Variants in GNS observed in about 807,000 individuals in gnomAD.
The protein encoded by GNS is N-acetylglucosamine-6-sulfatase.
A neutral mutation model predicts 69.7 loss-of-function variants in GNS; 40 were observed. The observed-to-expected ratio is 0.57, with a 90% CI of 0.45 to 0.75. The LOEUF is 0.75. Among genes scored for constraint, GNS ranks in the 30% least tolerant of loss-of-function variants. The pLI, the probability that GNS is intolerant of heterozygous loss-of-function variation, is 0.00. For missense variants in GNS, 565 were observed against 685.5 expected (o/e 0.82, Z 1.96); for synonymous variants, 243 against 251.6 (o/e 0.97, Z 0.32).
intron 9 of GNS, among the ~76,000 whole-genome samples, chr12:64,732,145 CCTGG>C (rs962946898): frequency 1.5e-5 from 2 of 134,368 alleles, no homozygotes; most frequent in Non-Finnish European, 3.2e-5. Flanking sequence ...TGCCACCACA[CCTGG>C]CTAATTTTTT....
chr12:64,729,915 A>G (rs1869328520), intron 9 of GNS, among the ~76,000 whole-genome samples: 1 of 152,226 alleles, frequency 6.6e-6, no homozygotes, highest in Admixed American at 6.5e-5. Flanking sequence ...TAAAAAATCA[A>G]TGAGATTTAA....
intron 7 of GNS, among the ~76,000 whole-genome samples, 157 bp from the exon 8 acceptor site, chr12:64,739,656 A>G (rs1869669850): frequency 6.6e-6 from 1 of 151,984 alleles, no homozygotes; most frequent in Non-Finnish European, 1.5e-5. Context: ...AAAAATTGCA[A>G]AACACTCTCC....
chr12:64,754,774 A>G (rs1870195589), intron 1 of GNS, among the ~76,000 whole-genome samples: 1 of 152,058 alleles, frequency 6.6e-6, no homozygotes, highest in Non-Finnish European at 1.5e-5. Flanking sequence ...CCGTAGTCCC[A>G]GCTACTTAAG....
At chr12:64,736,312 T>C (rs907368763) in intron 9 of GNS, among the ~76,000 whole-genome samples, 1 of 152,192 alleles carries the variant, frequency 6.6e-6, no homozygotes, top group Non-Finnish European at 1.5e-5. Context: ...ATGGCAGTTC[T>C]AGGAGAGAGA....
chr12:64,754,892 A>C (rs547910345), intron 1 of GNS, among the ~76,000 whole-genome samples: 1 of 142,432 alleles, frequency 7.0e-6, no homozygotes, highest in South Asian at 2.1e-4. Context: ...CTTGTCTCCA[A>C]AAAAAAAAAA....
chr12:64,717,941 A>G (rs75779547), intron 13 of GNS, among the ~76,000 whole-genome samples: 11 of 152,310 alleles, frequency 7.2e-5, no homozygotes, highest in Middle Eastern at 6.8e-3. Context: ...TAGAACTGCA[A>G]TTGACCAAGA....
chr12:64,756,602 A>C, intron 1 of GNS: 1 of 654,998 alleles, frequency 1.5e-6, no homozygotes, highest in East Asian at 2.8e-5. Flanking sequence ...CTTTTAAGAT[A>C]AGGATACTAT....
chr12:64,755,594 T>A (rs1041640230), intron 1 of GNS, among the ~76,000 whole-genome samples: 4 of 147,810 alleles, frequency 2.7e-5, no homozygotes, highest in African/African-American at 7.5e-5. Context: ...AAAAAAAAAA[T>A]TATTCTTCCC....
At chr12:64,754,799 G>A (rs1870196294) in intron 1 of GNS, among the ~76,000 whole-genome samples, 1 of 151,882 alleles carries the variant, frequency 6.6e-6, no homozygotes, top group Admixed American at 6.6e-5. Context: ...TGAGGTGGGA[G>A]GATTGTTTGT....
intron 9 of GNS, among the ~76,000 whole-genome samples, chr12:64,729,543 C>T (rs1869317607): frequency 6.6e-6 from 1 of 152,216 alleles, no homozygotes; most frequent in Non-Finnish European, 1.5e-5. Flanking sequence ...AGGGACAACA[C>T]TGCCAAAATA....
intron 1 of GNS, among the ~76,000 whole-genome samples, chr12:64,754,595 AT>A (rs1215814543): frequency 1.3e-5 from 2 of 152,034 alleles, no homozygotes; most frequent in Non-Finnish European, 2.9e-5. Flanking sequence ...CCACATAGGA[AT>A]TTAGACTTTA....
chr12:64,743,355 A>C (rs1272842967), intron 5 of GNS, 47 bp from the exon 6 acceptor site: 2 of 1,312,454 alleles, frequency 1.5e-6, no homozygotes, highest in African/African-American at 2.9e-5. Context: ...CCAACAGATG[A>C]GTATTTAATA....
chr12:64,727,908 G>C (rs1181474805), intron 10 of GNS, among the ~76,000 whole-genome samples: 1 of 151,942 alleles, frequency 6.6e-6, no homozygotes, highest in East Asian at 1.9e-4. Context: ...TATTGAATTG[G>C]ACACTTAAAA....
Position 64,720,189 on chromosome 12 carries a change from G to A in GNS, c.1420-7C>T, listed in dbSNP as rs764819766. The A allele has an allele frequency of 7.0e-6, 11 of 1,573,952 alleles. No individual in the cohort carries two copies. Among genetic ancestry groups the A allele is most frequent in the Non-Finnish European group, 9.6e-6 (11 of 1,143,988 alleles). On this transcript the variant is annotated splice_polypyrimidine_tract_variant and splice_region_variant and intron_variant, in intron 12 of 13. Transcript: ENST00000258145. ...TATAGACTTCTACAAACACCTAGAGGACATGAAAGAATGGAGGAAAGAAAA... is the reference window on the plus strand; with the variant it reads ...TATAGACTTCTACAAACACCTAGAGAACATGAAAGAATGGAGGAAAGAAAA...
intron 10 of GNS, among the ~76,000 whole-genome samples, chr12:64,724,424 G>A (rs1277402897): frequency 2.6e-5 from 4 of 152,208 alleles, no homozygotes; most frequent in African/African-American, 9.6e-5. Flanking sequence ...AACGGCTTGT[G>A]CAAGGCCTTG....
chr12:64,740,133 A>T (rs1162634110), intron 7 of GNS, among the ~76,000 whole-genome samples: 1 of 152,210 alleles, frequency 6.6e-6, no homozygotes, highest in East Asian at 1.9e-4. Context: ...GCCCCTTTAC[A>T]GAAAAAGTTT....
chr12:64,730,882 C>A (rs1869369575), intron 9 of GNS, among the ~76,000 whole-genome samples: 1 of 152,148 alleles, frequency 6.6e-6, no homozygotes, highest in Admixed American at 6.5e-5. Context: ...TCAGTGATAT[C>A]TGTAAAATGA....
At chr12:64,744,650 T>C (rs1351950726) in intron 5 of GNS, among the ~76,000 whole-genome samples, 159 bp downstream of exon 5, 2 of 152,242 alleles carry the variant, frequency 1.3e-5, no homozygotes, top group Non-Finnish European at 2.9e-5. Flanking sequence ...CTGAGGAGTT[T>C]GTAATCAGCT....
At chr12:64,743,380 G>T in intron 5 of GNS, 72 bp from the exon 6 acceptor site, 2 of 1,089,064 alleles carry the variant, frequency 1.8e-6, no homozygotes, top group Non-Finnish European at 1.4e-6. Flanking sequence ...AATGTCTTCT[G>T]GTGAGCAGAC....
Sources: allele counts gnomAD v4.1 joint callset (sites outside exome capture counted in the v4.1 genomes callset), GRCh38; gene constraint gnomAD v4.1.1; transcripts MANE v1.5; gene names NCBI Gene and HGNC (gene_info 2026-07-23, HGNC 2026-07-21).